The following PDZD2 variants were observed in gnomAD, a reference collection of about 807,000 sequenced individuals.
The protein encoded by PDZD2 is PDZ domain-containing protein 2.
PDZD2 carries 90 observed loss-of-function variants against 220.7 expected under a neutral mutation model. That is an observed-to-expected ratio of 0.41 (90% CI 0.34 to 0.49). The LOEUF (loss-of-function observed/expected upper bound fraction) is 0.49. Ranked by LOEUF, PDZD2 falls within the 20% of genes least tolerant of loss-of-function variation. The probability of loss-of-function intolerance (pLI) is 0.28; values close to 1 mark genes in which losing one functional copy is unlikely to be tolerated. For missense variants in PDZD2, 3,174 were observed against 3,608.5 expected, an observed-to-expected ratio of 0.88 and a Z score of 3.08; for synonymous variants, 1,375 against 1,450.5, an observed-to-expected ratio of 0.95 and a Z score of 1.18.
At chr5:32,078,610 C>T (rs1161151223) in intron 19 of PDZD2, among the ~76,000 whole-genome samples, 1 of 131,376 alleles carries the variant, frequency 7.6e-6, no homozygotes, top group Non-Finnish European at 1.6e-5. Flanking sequence ...CCAGCCTGGG[C>T]TATACAGTGA....
intron 1 of PDZD2, among the ~76,000 whole-genome samples, chr5:31,666,366 G>T (rs1291113571): frequency 6.6e-6 from 1 of 152,212 alleles, no homozygotes; most frequent in Non-Finnish European, 1.5e-5. Context: ...TACGAGAAAT[G>T]AGCATATTTC....
At chr5:32,014,712 T>TTC in intron 6 of PDZD2, among the ~76,000 whole-genome samples, 1 of 10,288 alleles carries the variant, frequency 9.7e-5, no homozygotes, top group African/African-American at 1.2e-4. Flanking sequence ...ATTTCTTTTT[T>TTC]TTTTTTTTTT....
intron 8 of PDZD2, 40 bp downstream of exon 8, chr5:32,048,724 G>T (rs1324969833): frequency 1.9e-6 from 3 of 1,604,156 alleles, no homozygotes; most frequent in Non-Finnish European, 2.6e-6. Context: ...GACCATAAGG[G>T]CTTACATGTT....
chr5:31,716,341 T>C (rs1338812560), intron 1 of PDZD2, among the ~76,000 whole-genome samples: 2 of 152,156 alleles, frequency 1.3e-5, no homozygotes, highest in Non-Finnish European at 2.9e-5. Context: ...AAGAAGCTTA[T>C]ACTCACAGAT....
chr5:31,682,462 A>G (rs1422135113), intron 1 of PDZD2, among the ~76,000 whole-genome samples: 1 of 152,194 alleles, frequency 6.6e-6, no homozygotes. Flanking sequence ...TTGCTTTCCA[A>G]TTAAGAACAA....
chr5:31,992,450 TAC>T (rs972955062), intron 3 of PDZD2, among the ~76,000 whole-genome samples: 3 of 141,268 alleles, frequency 2.1e-5, no homozygotes, highest in Non-Finnish European at 4.7e-5. Context: ...TATATATATA[TAC>T]ATTTGAGCTG....
At chr5:32,021,822 A>G (rs995808159) in intron 6 of PDZD2, among the ~76,000 whole-genome samples, 3 of 152,172 alleles carry the variant, frequency 2.0e-5, no homozygotes, top group African/African-American at 7.2e-5. Context: ...TATCTGTGGA[A>G]TTATCTTTTA....
intron 2 of PDZD2, among the ~76,000 whole-genome samples, chr5:31,978,231 T>C (rs1749958958): frequency 6.6e-6 from 1 of 152,174 alleles, no homozygotes; most frequent in Non-Finnish European, 1.5e-5. Flanking sequence ...GAGGACATGA[T>C]TGTATTCCAT....
intron 20 of PDZD2, 104 bp downstream of exon 20, chr5:32,091,279 C>CTTTTTT (rs57254389): frequency 1.3e-4 from 34 of 262,522 alleles, no homozygotes; most frequent in Admixed American, 2.7e-4. Context: ...TTCCCACTTA[C>CTTTTTT]TTTTTTTTTT....
At chr5:32,084,198 C>G (rs557353379) in intron 19 of PDZD2, among the ~76,000 whole-genome samples, 1 of 152,360 alleles carries the variant, frequency 6.6e-6, no homozygotes, top group South Asian at 2.1e-4. Flanking sequence ...AAGCTAGTAG[C>G]TAGTACGGTC....
At chr5:31,755,151 G>A (rs893901925) in intron 1 of PDZD2, among the ~76,000 whole-genome samples, 1 of 152,136 alleles carries the variant, frequency 6.6e-6, no homozygotes, top group African/African-American at 2.4e-5. Flanking sequence ...CCACCCTCTG[G>A]ACAAACCGCA....
chr5:31,855,103 T>A, intron 2 of PDZD2: 3 of 985,452 alleles, frequency 3.0e-6, no homozygotes, highest in Non-Finnish European at 3.6e-6. Flanking sequence ...GGCGCCCAGC[T>A]GCTGCCGGCG....
intron 2 of PDZD2, among the ~76,000 whole-genome samples, chr5:31,810,072 T>G (rs933612429): frequency 1.3e-5 from 2 of 152,228 alleles, no homozygotes; most frequent in African/African-American, 2.4e-5. Context: ...TAAAAGCATC[T>G]TAGTGTGGTT....
intron 1 of PDZD2, among the ~76,000 whole-genome samples, chr5:31,786,464 G>C (rs1753383330): frequency 6.6e-6 from 1 of 152,114 alleles, no homozygotes; most frequent in Non-Finnish European, 1.5e-5. Context: ...CTTGTATTCT[G>C]GAAAAGCTGG....
At chr5:32,061,247 G>A in intron 14 of PDZD2, 113 bp downstream of exon 14, 1 of 851,504 alleles carries the variant, frequency 1.2e-6, no homozygotes, top group Non-Finnish European at 1.9e-6. Context: ...CAACCTACGG[G>A]TGGTTCATGT....
chr5:31,891,428 C>A (rs1741031501), intron 2 of PDZD2, among the ~76,000 whole-genome samples: 1 of 152,202 alleles, frequency 6.6e-6, no homozygotes, highest in East Asian at 1.9e-4. Context: ...TGATTCTCCT[C>A]CCTCAGCCTC....
At chr5:31,703,173 C>A (rs1747672383) in intron 1 of PDZD2, among the ~76,000 whole-genome samples, 1 of 152,182 alleles carries the variant, frequency 6.6e-6, no homozygotes, top group South Asian at 2.1e-4. Flanking sequence ...TAAAGAGCGG[C>A]CATTAGATTT....
chr5:31,737,167 C>CTTT (rs57379430), intron 1 of PDZD2, among the ~76,000 whole-genome samples: 1,191 of 66,346 alleles, frequency 0.018, 2 homozygotes, highest in Middle Eastern at 0.043. Flanking sequence ...CAGTCTACTT[C>CTTT]TTTTTTTTTT....
chr5:31,775,335 T>TG (rs199539855), intron 1 of PDZD2, among the ~76,000 whole-genome samples: 19 of 144,536 alleles, frequency 1.3e-4, no homozygotes, highest in African/African-American at 5.0e-4. Context: ...GAGATGTAAT[T>TG]GAAAAAAAAA....
Sources: gnomAD v4.1 joint callset for allele counts (sites outside exome capture counted in the v4.1 genomes callset) on GRCh38, gnomAD v4.1.1 for gene constraint, MANE v1.5 for transcripts, NCBI Gene and HGNC (gene_info 2026-07-23, HGNC 2026-07-21) for gene names.